The following MGRN1 variants were observed in gnomAD, a reference collection of about 807,000 sequenced individuals.
MGRN1 encodes the protein mahogunin ring finger 1.
In MGRN1, 29 loss-of-function variants were observed where a neutral mutation model predicts 69.2. The observed-to-expected ratio is 0.42, with a 90% CI of 0.31 to 0.57. The LOEUF is 0.57. MGRN1 is among the 20% of genes least tolerant of loss of function. The pLI is 0.15. For synonymous variants in MGRN1, 470 were observed against 344.2 expected (o/e 1.37, Z -4.04); for missense variants, 998 against 796.2 (o/e 1.25, Z -3.05).
chr16:4,677,232 C>G, intron 10 of MGRN1: 1 of 414,686 alleles, frequency 2.4e-6, no homozygotes, highest in East Asian at 3.7e-5. Context: ...CGCCCCCTCC[C>G]TCTATTTCTG....
intron 7 of MGRN1, among the ~76,000 whole-genome samples, chr16:4,667,104 G>A (rs1256784597): frequency 1.3e-5 from 2 of 152,228 alleles, no homozygotes; most frequent in East Asian, 1.9e-4. Flanking sequence ...AAAGGATCCC[G>A]TGTGACAAGG....
intron 1 of MGRN1, among the ~76,000 whole-genome samples, chr16:4,635,366 A>G (rs1304194575): frequency 6.6e-6 from 1 of 152,212 alleles, no homozygotes; most frequent in Admixed American, 6.5e-5. Context: ...ACAGTGAGCC[A>G]AGATTGCGCC....
chr16:4,668,371 T>G (rs1596302774), intron 8 of MGRN1, 59 bp downstream of exon 8: 7 of 1,570,096 alleles, frequency 4.5e-6, no homozygotes, highest in East Asian at 2.2e-5. Context: ...ATACAATCAC[T>G]CACACGCATA....
rs1394181743 is a variant in MGRN1, at chr16:4,645,666, C to T, written c.89-4699C>T. 2.6e-5 allele frequency among the ~76,000 whole-genome samples: 4 copies of T among 152,110 alleles called. No homozygotes were observed. The South Asian group carries it at 8.3e-4, about 32-fold the overall frequency. Reference sequence around the variant, plus strand: ...GAAGAGGCCTCGTGGAGAGAGCAGCCTGAGGTAGAGCTGGAGCTCCAGGGA... The same window carrying T: ...GAAGAGGCCTCGTGGAGAGAGCAGCTTGAGGTAGAGCTGGAGCTCCAGGGA... On this transcript the variant is annotated intron_variant, in intron 1 of 16. Transcript: ENST00000262370.
intron 1 of MGRN1, among the ~76,000 whole-genome samples, chr16:4,632,404 T>G (rs1898055805): frequency 6.6e-6 from 1 of 151,770 alleles, no homozygotes; most frequent in Non-Finnish European, 1.5e-5. Context: ...GTTTGTTTGT[T>G]TGTTTTTGAG....
intron 16 of MGRN1, chr16:4,687,318 G>A (rs1289077482): frequency 2.0e-6 from 2 of 978,712 alleles, no homozygotes; most frequent in Non-Finnish European, 2.4e-6. Flanking sequence ...GGGAGACCGA[G>A]GGGATAGATC....
intron 13 of MGRN1, among the ~76,000 whole-genome samples, chr16:4,682,357 G>A (rs998503716): frequency 6.6e-6 from 1 of 152,240 alleles, no homozygotes; most frequent in Non-Finnish European, 1.5e-5. Flanking sequence ...GGAGCCTTGC[G>A]GTGTATAGAG....
chr16:4,657,738 C>CTTTTTTTTTTTT (rs1157518931), intron 5 of MGRN1, among the ~76,000 whole-genome samples: 2 of 76,998 alleles, frequency 2.6e-5, no homozygotes, highest in African/African-American at 1.2e-4. Context: ...TGCAGACATC[C>CTTTTTTTTTTTT]TTTTTTTTTT....
At chr16:4,686,366 C>A in intron 16 of MGRN1, 2 of 1,524,212 alleles carry the variant, frequency 1.3e-6, no homozygotes, top group East Asian at 2.5e-5. Context: ...GAGGAGCCCT[C>A]CCCTGCTCTC....
chr16:4,690,826 A>C lies in MGRN1; in HGVS notation c.*1918A>C. The stretch of plus-strand genomic sequence containing the variant: ...CCCACCAAGGCCCCAGCCTCTGGCC[A>C]TCAGTCCTGGTGCCAGAGCTTTGCG... On this transcript the variant is annotated 3_prime_UTR_variant, in exon 17 of 17. Transcript: ENST00000262370. 1.1e-5 allele frequency: 1 copy of C among 95,154 alleles called. No individual in the cohort carries two copies. The highest frequency in any genetic ancestry group is 2.0e-5 in the Non-Finnish European group (1 of 50,688). 5.9% of individuals were successfully genotyped at this position (95,154 alleles called of 1,614,324 possible). A position where few individuals can be genotyped will look rare whatever the true frequency, so the allele number is the denominator to read the frequency against.
chr16:4,667,465 G>T (rs1456391672), intron 7 of MGRN1, among the ~76,000 whole-genome samples: 1 of 152,206 alleles, frequency 6.6e-6, no homozygotes, highest in African/African-American at 2.4e-5. Context: ...CAGAAGCCAC[G>T]GTGACTATTG....
At chr16:4,669,701 T>G (rs2078896839) in intron 8 of MGRN1, among the ~76,000 whole-genome samples, 1 of 152,204 alleles carries the variant, frequency 6.6e-6, no homozygotes, top group South Asian at 2.1e-4. Flanking sequence ...CCTTACAAAT[T>G]GTCCAATATG....
intron 8 of MGRN1, among the ~76,000 whole-genome samples, chr16:4,670,357 C>T (rs557320007): frequency 6.6e-6 from 1 of 152,324 alleles, no homozygotes; most frequent in African/African-American, 2.4e-5. Flanking sequence ...ATTCTTCTGC[C>T]TCAGCATCCC....
chr16:4,671,226 A>G, intron 8 of MGRN1, 165 bp from the exon 9 acceptor site: 1 of 637,332 alleles, frequency 1.6e-6, no homozygotes, highest in Admixed American at 2.7e-5. Flanking sequence ...GGTGGGGGCA[A>G]GCAGCAGGTT....
At chr16:4,680,324 G>A (rs2079151959) in intron 12 of MGRN1, 1 of 531,310 alleles carries the variant, frequency 1.9e-6, no homozygotes, top group Non-Finnish European at 3.3e-6. Context: ...CCTCCCCTCA[G>A]CTTTGCCTCC....
At chr16:4,668,104 C>G (rs1440743679) in intron 7 of MGRN1, among the ~76,000 whole-genome samples, 161 bp from the exon 8 acceptor site, 1 of 150,776 alleles carries the variant, frequency 6.6e-6, no homozygotes, top group African/African-American at 2.4e-5. Context: ...CCGGCTCTTT[C>G]GCTGTCAAGT....
At position 4,690,607 on chromosome 16, in the gene MGRN1, C is replaced by G. The variant is rs1435539543; in HGVS notation, c.*1699C>G. 1 of 152,422 alleles carries G rather than the reference C, an allele frequency of 6.6e-6. No individual in the cohort carries two copies. The highest frequency in any genetic ancestry group is 2.4e-5 in the African/African-American group (1 of 41,462). The allele number at this position is 152,422 out of a possible 1,614,324, so 9.4% of individuals were successfully genotyped here. A position where few individuals can be genotyped will look rare whatever the true frequency, so the allele number is the denominator to read the frequency against. On this transcript the variant is annotated 3_prime_UTR_variant, in exon 17 of 17. Coordinates refer to ENST00000262370, the MANE Select transcript of MGRN1 (RefSeq NM_015246.4). The stretch of plus-strand genomic sequence containing the variant: ...TTGCACATGCTCACGCACATGTTCA[C>G]ACATGCACACTCACGCTCACACATG...
At chr16:4,668,358 C>G (rs780379982) in intron 8 of MGRN1, 46 bp downstream of exon 8, 1 of 1,593,816 alleles carries the variant, frequency 6.3e-7, no homozygotes, top group Admixed American at 1.7e-5. Context: ...AAAAGACACA[C>G]ATATACAATC....
At chr16:4,633,733 AT>A (rs1898130895) in intron 1 of MGRN1, 1 of 151,766 alleles carries the variant, frequency 6.6e-6, no homozygotes, top group Non-Finnish European at 1.5e-5. Flanking sequence ...TATTATTATT[AT>A]TGAGACGGAG....
Sources: allele counts gnomAD v4.1 joint callset (sites outside exome capture counted in the v4.1 genomes callset), GRCh38; gene constraint gnomAD v4.1.1; transcripts MANE v1.5; gene names NCBI Gene and HGNC (gene_info 2026-07-23, HGNC 2026-07-21).